The following ZNF827 variants were observed in gnomAD, a reference collection of about 807,000 sequenced individuals.
ZNF827 encodes the protein zinc finger protein 827.
ZNF827 carries 13 observed loss-of-function variants against 102.4 expected under a neutral mutation model. The observed-to-expected ratio is 0.13, with a 90% CI of 0.08 to 0.20. The LOEUF (loss-of-function observed/expected upper bound fraction) is 0.20, where lower values mean the gene tolerates loss of function less well. ZNF827 is among the 10% of genes least tolerant of loss of function. The pLI is 1.00. For synonymous variants in ZNF827, 523 were observed against 536.2 expected (o/e 0.98, Z 0.34); for missense variants, 1,103 against 1,344.4 (o/e 0.82, Z 2.81).
chr4:145,844,177 G>A (rs1243354043), intron 7 of ZNF827, among the ~76,000 whole-genome samples: 1 of 152,022 alleles, frequency 6.6e-6, no homozygotes, highest in Non-Finnish European at 1.5e-5. Flanking sequence ...GGGGCAGGAT[G>A]GATTCCATGG....
At chr4:145,860,912 T>C (rs944352171) in intron 5 of ZNF827, among the ~76,000 whole-genome samples, 1 of 152,252 alleles carries the variant, frequency 6.6e-6, no homozygotes, top group Non-Finnish European at 1.5e-5. Context: ...TGGGCTAATA[T>C]GGACACTCCC....
At chr4:145,937,647 G>A (rs1031102207) in intron 1 of ZNF827, among the ~76,000 whole-genome samples, 6 of 144,968 alleles carry the variant, frequency 4.1e-5, no homozygotes, top group Non-Finnish European at 7.6e-5. Context: ...GTTTGTGTGC[G>A]GTGCCCCTAC....
At chr4:145,896,805 T>C (rs1285268585) in intron 2 of ZNF827, among the ~76,000 whole-genome samples, 1 of 152,230 alleles carries the variant, frequency 6.6e-6, no homozygotes, top group African/African-American at 2.4e-5. Context: ...TAAAAATGCA[T>C]ATGGAATGAC....
At chr4:145,937,942 G>A (rs1193177138) in intron 1 of ZNF827, among the ~76,000 whole-genome samples, 1 of 149,642 alleles carries the variant, frequency 6.7e-6, no homozygotes, top group Non-Finnish European at 1.5e-5. Context: ...AATCCACAAG[G>A]AATTTTTTTT....
chr4:145,772,626 G>A lies in ZNF827; in HGVS notation c.2860+1880C>T, dbSNP rs190597167. On this transcript the variant is annotated intron_variant, in intron 11 of 14. Coordinates refer to ENST00000508784, the MANE Select transcript of ZNF827 (RefSeq NM_001306215.2). Reference sequence around the variant, plus strand: ...GAGTTGAGTAGTAGTGACAGAAACTGTATGACCTGAAAGCCTAAAATATTT... The same window carrying A: ...GAGTTGAGTAGTAGTGACAGAAACTATATGACCTGAAAGCCTAAAATATTT... 1.0e-3 allele frequency among the ~76,000 whole-genome samples: 157 copies of A among 152,284 alleles called. 1 individual carries two copies. The highest frequency in any genetic ancestry group is 3.5e-3 in the African/African-American group (144 of 41,556).
chr4:145,888,555 GC>G (rs997738002), intron 3 of ZNF827, among the ~76,000 whole-genome samples: 1 of 152,192 alleles, frequency 6.6e-6, no homozygotes, highest in Non-Finnish European at 1.5e-5. Flanking sequence ...GTATTTCAGA[GC>G]TTGGGGAAAT....
intron 8 of ZNF827, among the ~76,000 whole-genome samples, chr4:145,793,005 G>C (rs1739922954): frequency 6.6e-6 from 1 of 151,568 alleles, no homozygotes; most frequent in African/African-American, 2.4e-5. Flanking sequence ...ATTATGACTT[G>C]GCCACCTTGG....
intron 8 of ZNF827, among the ~76,000 whole-genome samples, chr4:145,807,506 T>A (rs1741572313): frequency 6.6e-6 from 1 of 151,226 alleles, no homozygotes; most frequent in Non-Finnish European, 1.5e-5. Flanking sequence ...ATAGTCTCGC[T>A]CTGTCGCCCA....
At chr4:145,791,552 G>A (rs1198128238) in intron 8 of ZNF827, among the ~76,000 whole-genome samples, 1 of 152,154 alleles carries the variant, frequency 6.6e-6, no homozygotes, top group African/African-American at 2.4e-5. Context: ...ATAATAAGTA[G>A]CATAGTTGGC....
chr4:145,785,702 A>G (rs181997725), intron 8 of ZNF827, among the ~76,000 whole-genome samples: 1 of 152,322 alleles, frequency 6.6e-6, no homozygotes. Context: ...TAATTACCCC[A>G]GGTAACCTGG....
rs796227889 is a variant in ZNF827 at position 145,757,637 on chromosome 4, CTTTT to C, written c.*3975_*3978del. ...AAAAAGAAACAAGAGTATAGCCAAC[CTTTT>C]TTTTTTTTTAATTAGAGTATATTAT... On this transcript the variant is annotated 3_prime_UTR_variant, in exon 15 of 15. Coordinates refer to ENST00000508784, the MANE Select transcript of ZNF827 (RefSeq NM_001306215.2). 1 of 143,192 alleles carries C rather than the reference CTTTT, an allele frequency of 7.0e-6. No individual in the cohort carries two copies. Among genetic ancestry groups the C allele is most frequent in the South Asian group, 2.2e-4 (1 of 4,462 alleles). The allele number at this position is 143,192 out of a possible 1,614,324, so 8.9% of individuals were successfully genotyped here.
intron 2 of ZNF827, among the ~76,000 whole-genome samples, chr4:145,895,348 G>A (rs190001960): frequency 1.1e-4 from 17 of 152,188 alleles, no homozygotes; most frequent in African/African-American, 3.9e-4. Flanking sequence ...GTTTTACAGA[G>A]TACATTACAT....
intron 1 of ZNF827, among the ~76,000 whole-genome samples, chr4:145,910,100 A>G (rs1437549570): frequency 3.9e-5 from 6 of 152,186 alleles, no homozygotes; most frequent in Non-Finnish European, 8.8e-5. Flanking sequence ...CAAAGGCATG[A>G]GGAAGTGAGA....
intron 6 of ZNF827, among the ~76,000 whole-genome samples, chr4:145,848,569 G>T (rs1462333403): frequency 1.3e-5 from 2 of 152,144 alleles, no homozygotes; most frequent in African/African-American, 4.8e-5. Flanking sequence ...CAAGGTATTT[G>T]TATGTATTTC....
intron 8 of ZNF827, among the ~76,000 whole-genome samples, chr4:145,801,756 G>T (rs1362187801): frequency 6.6e-6 from 1 of 152,206 alleles, no homozygotes; most frequent in Non-Finnish European, 1.5e-5. Context: ...ATTACATTAT[G>T]TTTTAATTGA....
intron 1 of ZNF827, among the ~76,000 whole-genome samples, chr4:145,930,176 C>T (rs769466122): frequency 2.0e-5 from 3 of 152,232 alleles, no homozygotes; most frequent in Non-Finnish European, 2.9e-5. Flanking sequence ...ACCTAAGATA[C>T]TAGCACTATG....
intron 2 of ZNF827, among the ~76,000 whole-genome samples, 184 bp downstream of exon 2, chr4:145,901,982 T>C (rs1751448313): frequency 6.6e-6 from 1 of 152,234 alleles, no homozygotes; most frequent in South Asian, 2.1e-4. Flanking sequence ...ATTTGTGAAG[T>C]CTTTGTGTAA....
intron 8 of ZNF827, among the ~76,000 whole-genome samples, chr4:145,806,544 A>T (rs903188891): frequency 2.0e-5 from 3 of 151,822 alleles, no homozygotes; most frequent in Non-Finnish European, 4.4e-5. Flanking sequence ...TGATACTCAG[A>T]TCTTTTTTTT....
At chr4:145,800,809 A>G (rs892819547) in intron 8 of ZNF827, among the ~76,000 whole-genome samples, 8 of 152,186 alleles carry the variant, frequency 5.3e-5, no homozygotes, top group African/African-American at 1.9e-4. Flanking sequence ...AACACCAGAC[A>G]CTGCCAAATG....
Sources: gnomAD v4.1 joint callset for allele counts (sites outside exome capture counted in the v4.1 genomes callset) on GRCh38, gnomAD v4.1.1 for gene constraint, MANE v1.5 for transcripts, NCBI Gene and HGNC (gene_info 2026-07-23, HGNC 2026-07-21) for gene names.